The following CNTNAP5 variants were observed in gnomAD, a reference collection of about 807,000 sequenced individuals.
CNTNAP5 encodes contactin associated protein family member 5.
A neutral mutation model predicts 150.2 loss-of-function variants in CNTNAP5; 72 were observed. The ratio of observed to expected loss-of-function variants is 0.48; its 90% CI spans 0.40 to 0.58. The LOEUF (loss-of-function observed/expected upper bound fraction) is 0.58, where lower values mean the gene tolerates loss of function less well. Ranked by LOEUF, CNTNAP5 falls within the 20% of genes least tolerant of loss-of-function variation. The pLI, the probability that CNTNAP5 is intolerant of heterozygous loss-of-function variation, is 0.00. For missense variants in CNTNAP5, 1,636 were observed against 1,626.2 expected, an observed-to-expected ratio of 1.01 and a Z score of -0.10; for synonymous variants, 672 against 619.8, an observed-to-expected ratio of 1.08 and a Z score of -1.25.
chr2:124,062,914 G>A (rs1682052587), intron 1 of CNTNAP5, among the ~76,000 whole-genome samples: 1 of 152,146 alleles, frequency 6.6e-6, no homozygotes, highest in East Asian at 1.9e-4. Context: ...TGCATCGGTA[G>A]TAGAGTCTGG....
At chr2:124,763,600 A>G in intron 14 of CNTNAP5, 72 bp from the exon 15 acceptor site, 1 of 1,462,994 alleles carries the variant, frequency 6.8e-7, no homozygotes, top group South Asian at 1.2e-5. Context: ...TTCTGAAAAG[A>G]GGGGTCATGG....
chr2:124,755,447 G>A (rs1439806150), intron 14 of CNTNAP5, among the ~76,000 whole-genome samples: 2 of 152,148 alleles, frequency 1.3e-5, no homozygotes, highest in Admixed American at 1.3e-4. Flanking sequence ...TCAGAACACA[G>A]ATACACAAGG....
At chr2:124,737,829 C>T (rs1680418669) in intron 13 of CNTNAP5, among the ~76,000 whole-genome samples, 1 of 152,040 alleles carries the variant, frequency 6.6e-6, no homozygotes, top group Non-Finnish European at 1.5e-5. Flanking sequence ...AATTTTACCT[C>T]TATCTATGCC....
At chr2:124,092,815 AGGTG>A (rs1682846505) in intron 1 of CNTNAP5, among the ~76,000 whole-genome samples, 1 of 152,154 alleles carries the variant, frequency 6.6e-6, no homozygotes, top group Non-Finnish European at 1.5e-5. Context: ...AGATTGTTTG[AGGTG>A]GTGTAAAAAA....
chr2:124,040,789 G>A (rs1681350120), intron 1 of CNTNAP5, among the ~76,000 whole-genome samples: 1 of 151,944 alleles, frequency 6.6e-6, no homozygotes, highest in African/African-American at 2.4e-5. Context: ...TATAACTGTT[G>A]CATTAATTTT....
chr2:124,525,194 A>G (rs545404736), intron 9 of CNTNAP5, among the ~76,000 whole-genome samples: 5 of 152,338 alleles, frequency 3.3e-5, no homozygotes, highest in Admixed American at 1.3e-4. Context: ...TTAAAAATTA[A>G]TATCTAATTT....
chr2:124,747,556 T>C (rs892702615), intron 14 of CNTNAP5, among the ~76,000 whole-genome samples, 171 bp downstream of exon 14: 1 of 151,792 alleles, frequency 6.6e-6, no homozygotes, highest in African/African-American at 2.4e-5. Context: ...GTTTTCAGTA[T>C]GACAACTTAT....
chr2:124,574,843 C>T (rs1352524723), intron 11 of CNTNAP5, among the ~76,000 whole-genome samples: 2 of 152,192 alleles, frequency 1.3e-5, no homozygotes. Context: ...AGTCAGAATA[C>T]ATTTCCCTAG....
intron 6 of CNTNAP5, among the ~76,000 whole-genome samples, chr2:124,467,653 A>C (rs948439610): frequency 2.0e-5 from 3 of 152,226 alleles, no homozygotes; most frequent in Admixed American, 2.0e-4. Flanking sequence ...AAACATCATT[A>C]TATGAAGCAA....
At chr2:124,868,338 C>T (rs781301631) in intron 20 of CNTNAP5, among the ~76,000 whole-genome samples, 4 of 152,156 alleles carry the variant, frequency 2.6e-5, no homozygotes, top group Non-Finnish European at 5.9e-5. Context: ...TCTCTAACCT[C>T]ATCTGATTAT....
intron 3 of CNTNAP5, among the ~76,000 whole-genome samples, chr2:124,362,198 C>G (rs148617093): frequency 6.6e-6 from 1 of 152,220 alleles, no homozygotes; most frequent in Admixed American, 6.5e-5. Flanking sequence ...CGCTGACCTG[C>G]GCCCACTGTC....
At chr2:124,116,469 GT>G (rs1683431519) in intron 1 of CNTNAP5, among the ~76,000 whole-genome samples, 1 of 152,204 alleles carries the variant, frequency 6.6e-6, no homozygotes, top group Non-Finnish European at 1.5e-5. Flanking sequence ...GACATCCATA[GT>G]TTTATTTCAC....
At chr2:124,312,952 G>T (rs1052954518) in intron 3 of CNTNAP5, among the ~76,000 whole-genome samples, 2 of 152,100 alleles carry the variant, frequency 1.3e-5, no homozygotes, top group South Asian at 2.1e-4. Context: ...TAATCTGCCC[G>T]CCTTGGCTTC....
chr2:124,834,845 AAAG>A (rs1400926567), intron 19 of CNTNAP5, among the ~76,000 whole-genome samples: 1 of 151,756 alleles, frequency 6.6e-6, no homozygotes, highest in Non-Finnish European at 1.5e-5. Context: ...GTACATGCAA[AAAG>A]AAGAAATAAC....
intron 19 of CNTNAP5, among the ~76,000 whole-genome samples, chr2:124,815,803 T>A (rs1004117183): frequency 1.3e-5 from 2 of 152,252 alleles, no homozygotes; most frequent in Admixed American, 1.3e-4. Flanking sequence ...CATTTGTACA[T>A]GGAAAGGTGT....
chr2:124,623,438 CT>C (rs1211191967), intron 12 of CNTNAP5, among the ~76,000 whole-genome samples: 1 of 152,140 alleles, frequency 6.6e-6, no homozygotes, highest in East Asian at 1.9e-4. Context: ...AATGAAAACT[CT>C]TAGAACAGTG....
chr2:124,543,610 A>T (rs1320704037), intron 10 of CNTNAP5, among the ~76,000 whole-genome samples: 3 of 152,232 alleles, frequency 2.0e-5, no homozygotes, highest in Non-Finnish European at 4.4e-5. Flanking sequence ...AAGGTTTCAC[A>T]TTAGCCCAGA....
intron 13 of CNTNAP5, among the ~76,000 whole-genome samples, chr2:124,690,842 C>G (rs938236457): frequency 5.3e-5 from 8 of 152,066 alleles, no homozygotes; most frequent in Non-Finnish European, 1.0e-4. Context: ...TGGCTCTTTG[C>G]TTATTCAAAA....
intron 6 of CNTNAP5, among the ~76,000 whole-genome samples, chr2:124,458,746 A>T (rs1003476887): frequency 2.0e-5 from 3 of 152,172 alleles, no homozygotes; most frequent in African/African-American, 4.8e-5. Context: ...ACAATTTTTT[A>T]AAAAAACAGG....
Sources: allele counts gnomAD v4.1 joint callset (sites outside exome capture counted in the v4.1 genomes callset), GRCh38; gene constraint gnomAD v4.1.1; transcripts MANE v1.5; gene names NCBI Gene and HGNC (gene_info 2026-07-23, HGNC 2026-07-21).